Variants in IL1RAPL1 observed in about 807,000 individuals in gnomAD.
IL1RAPL1 encodes interleukin 1 receptor accessory protein like 1.
IL1RAPL1 carries 3 observed loss-of-function variants against 48.4 expected under a neutral mutation model. That is an observed-to-expected ratio of 0.06 (90% CI 0.03 to 0.16). The LOEUF is 0.16. Ranked by LOEUF, IL1RAPL1 falls within the 10% of genes least tolerant of loss-of-function variation. The pLI is 1.00. For synonymous variants in IL1RAPL1, 185 were observed against 187.7 expected (o/e 0.99, Z 0.12); for missense variants, 349 against 530.6 (o/e 0.66, Z 3.36).
intron 2 of IL1RAPL1, among the ~76,000 whole-genome samples, chrX:28,853,487 G>GCGCA (rs1569186224): frequency 9.6e-6 from 1 of 104,107 alleles, no homozygotes; most frequent in African/African-American, 3.4e-5. Flanking sequence ...GCATGTGTGT[G>GCGCA]CGCGCGCACA....
At chrX:29,111,430 T>A (rs916622662) in intron 2 of IL1RAPL1, among the ~76,000 whole-genome samples, 2 of 112,374 alleles carry the variant, frequency 1.8e-5, no homozygotes, top group African/African-American at 3.2e-5. Context: ...CACTGGTAGT[T>A]CCATTGTTTT....
intron 2 of IL1RAPL1, among the ~76,000 whole-genome samples, chrX:28,932,865 A>G (rs971311687): frequency 9.0e-6 from 1 of 110,998 alleles, no homozygotes; most frequent in Non-Finnish European, 1.9e-5. Context: ...AGTGTTCCCT[A>G]TGAATATTTT....
intron 1 of IL1RAPL1, among the ~76,000 whole-genome samples, chrX:28,591,643 T>C (rs1434186017): frequency 9.1e-6 from 1 of 110,103 alleles, no homozygotes; most frequent in Non-Finnish European, 1.9e-5. Flanking sequence ...CGCGTCAGCC[T>C]TTTTATTACT....
chrX:29,089,748 G>GAATA (rs1928039405), intron 2 of IL1RAPL1, among the ~76,000 whole-genome samples: 1 of 1,668 alleles, frequency 6.0e-4, no homozygotes, highest in African/African-American at 1.7e-3. Flanking sequence ...AGAGAAATAT[G>GAATA]AATATATATA....
intron 5 of IL1RAPL1, among the ~76,000 whole-genome samples, chrX:29,627,978 A>G (rs1446428800): frequency 8.9e-6 from 1 of 112,047 alleles, no homozygotes; most frequent in Non-Finnish European, 1.9e-5. Flanking sequence ...TGCATGAACT[A>G]TTTACCTGTG....
In IL1RAPL1 at chrX:29,081,014, CTCTCTCTTTCT is replaced by C. The variant is rs1320140329; in HGVS notation, c.83-201922_83-201912del. On this transcript the variant is annotated intron_variant, in intron 2 of 10. Coordinates refer to ENST00000378993, the MANE Select transcript of IL1RAPL1 (RefSeq NM_014271.4). ...TTTCTTTCTCTCTCTCTCTCTCTCT[CTCTCTCTTTCT>C]TTTCTTTTCTTTTCTTTTCTTTTCT... Among the ~76,000 whole-genome samples the C allele has an allele frequency of 6.3e-3, 426 of 67,408 alleles. 7 individuals are homozygous for C. Among genetic ancestry groups the C allele is most frequent in the Admixed American group, 8.7e-3 (43 of 4,933 alleles). The allele number at this position is 67,408 out of a possible 115,157, so 58.5% of individuals were successfully genotyped here.
intron 2 of IL1RAPL1, among the ~76,000 whole-genome samples, chrX:29,217,300 G>T (rs1195274144): frequency 4.5e-5 from 5 of 112,091 alleles, no homozygotes; most frequent in Admixed American, 1.9e-4. Context: ...GAAAATCACT[G>T]CCTTAGATTC....
At chrX:28,989,623 A>G (rs978427830) in intron 2 of IL1RAPL1, among the ~76,000 whole-genome samples, 1 of 112,476 alleles carries the variant, frequency 8.9e-6, no homozygotes, top group African/African-American at 3.2e-5. Flanking sequence ...TGACATTTAT[A>G]TTTTGTGTCA....
At chrX:28,625,664 A>G (rs183420058) in intron 1 of IL1RAPL1, among the ~76,000 whole-genome samples, 48 of 111,011 alleles carry the variant, frequency 4.3e-4, no homozygotes, top group African/African-American at 1.5e-3. Context: ...TTGACTTAGT[A>G]TGTGGTCATT....
intron 3 of IL1RAPL1, chrX:29,369,769 T>G (rs1405179867): frequency 2.7e-5 from 3 of 112,056 alleles, no homozygotes; most frequent in Non-Finnish European, 5.6e-5. Flanking sequence ...CAGCTCCAGA[T>G]CCTAATTCAG....
chrX:29,481,965 C>G (rs748535080), intron 5 of IL1RAPL1, among the ~76,000 whole-genome samples: 2 of 111,700 alleles, frequency 1.8e-5, no homozygotes, highest in East Asian at 5.6e-4. Context: ...AAAAGGAAAA[C>G]ATTTATATGT....
intron 5 of IL1RAPL1, among the ~76,000 whole-genome samples, chrX:29,436,859 A>T (rs1035062926): frequency 1.8e-5 from 2 of 110,653 alleles, no homozygotes; most frequent in African/African-American, 6.5e-5. Context: ...AATTGCCTTC[A>T]TGTTTGTCTA....
intron 9 of IL1RAPL1, among the ~76,000 whole-genome samples, chrX:29,950,737 T>C (rs1413525834): frequency 1.9e-5 from 2 of 105,770 alleles, no homozygotes; most frequent in Non-Finnish European, 3.9e-5. Context: ...AGTGCAGTGG[T>C]GCAGTCTCGG....
At chrX:29,130,426 C>G (rs1190214183) in intron 2 of IL1RAPL1, among the ~76,000 whole-genome samples, 2 of 111,984 alleles carry the variant, frequency 1.8e-5, no homozygotes, top group Non-Finnish European at 3.8e-5. Flanking sequence ...GACATTTTAA[C>G]TTACTTATTG....
chrX:29,478,908 C>T (rs989756495), intron 5 of IL1RAPL1, among the ~76,000 whole-genome samples: 1 of 110,767 alleles, frequency 9.0e-6, no homozygotes, highest in Non-Finnish European at 1.9e-5. Context: ...CTTCACTGTC[C>T]GCCATTCCCT....
chrX:29,571,209 GA>G (rs1305641569), intron 5 of IL1RAPL1, among the ~76,000 whole-genome samples: 1 of 108,596 alleles, frequency 9.2e-6, no homozygotes, highest in African/African-American at 3.5e-5. Flanking sequence ...GTGACAGAGT[GA>G]AGACTCCGTC....
At position 29,816,773 on chromosome X, in the gene IL1RAPL1, TC is replaced by T. The variant is rs756036635; in HGVS notation, c.779-100683del. 8.6e-3 allele frequency among the ~76,000 whole-genome samples: 937 copies of T among 108,643 alleles called. 7 individuals are homozygous for T. Among genetic ancestry groups the T allele is most frequent in the African/African-American group, 0.03 (900 of 29,871 alleles). 94.3% of individuals were successfully genotyped at this position (108,643 alleles called of 115,157 possible). ...ATTTAATGTGCCTCATTTTCCTTCC[TC>T]CCCCCCCACTGAAATTTGCTTCTAT... On this transcript the variant is annotated intron_variant, in intron 6 of 10. Transcript: ENST00000378993.
At chrX:29,039,119 C>A (rs1163280791) in intron 2 of IL1RAPL1, among the ~76,000 whole-genome samples, 1 of 111,184 alleles carries the variant, frequency 9.0e-6, no homozygotes, top group Non-Finnish European at 1.9e-5. Flanking sequence ...ACATTTTGTT[C>A]TTTTGTTCAA....
Position 28,728,160 on chromosome X carries a change from A to G in IL1RAPL1, c.-24-61160A>G, listed in dbSNP as rs751045363. 1.1e-4 allele frequency among the ~76,000 whole-genome samples: 12 copies of G among 111,854 alleles called. No homozygotes were observed. In the South Asian group the frequency reaches 2.2e-3, roughly 20 times the overall value. On this transcript the variant is annotated intron_variant, in intron 1 of 10. Transcript: ENST00000378993. ...ATGGATTTCTTATTATATCAGAATT[A>G]TATTTTCATAAATTCAGATAACACT...
Sources: gnomAD v4.1 joint callset for allele counts (sites outside exome capture counted in the v4.1 genomes callset) on GRCh38, gnomAD v4.1.1 for gene constraint, MANE v1.5 for transcripts, NCBI Gene and HGNC (gene_info 2026-07-23, HGNC 2026-07-21) for gene names.